TBC1D19: variants seen among roughly 807,000 people sequenced by gnomAD.
TBC1D19 encodes the protein TBC1 domain family, member 19.
A neutral mutation model predicts 89.0 loss-of-function variants in TBC1D19; 60 were observed. The ratio of observed to expected loss-of-function variants is 0.67; its 90% CI spans 0.55 to 0.84. The LOEUF (loss-of-function observed/expected upper bound fraction) is 0.84. Ranked by LOEUF, TBC1D19 falls within the 40% of genes least tolerant of loss-of-function variation. TBC1D19 has a pLI of 0.00. For missense variants in TBC1D19, 500 were observed against 610.8 expected (o/e 0.82, Z 1.91); for synonymous variants, 189 against 199.7 (o/e 0.95, Z 0.45).
chr4:26,613,041 C>T (rs778108071), intron 1 of TBC1D19, 128 bp from the exon 2 acceptor site: 1 of 645,722 alleles, frequency 1.5e-6, no homozygotes, highest in Non-Finnish European at 2.6e-6. Context: ...GAGGATTTTT[C>T]AAGTAGTATA....
intron 7 of TBC1D19, among the ~76,000 whole-genome samples, chr4:26,657,937 TA>T (rs1744969362): frequency 6.6e-6 from 1 of 152,038 alleles, no homozygotes; most frequent in African/African-American, 2.4e-5. Flanking sequence ...GGGTTATTTG[TA>T]TTTTTCTTGT....
chr4:26,739,955 C>T lies in TBC1D19; in HGVS notation c.1209C>T (p.Ser403=). 1 of 1,581,720 alleles carries T rather than the reference C, an allele frequency of 6.3e-7. No individual in the cohort carries two copies. ...TGCGTTTTTTCTTCAGACTCCATTCCATCTCTTCTCATCCTTCTGTAAGTT... is the reference window on the plus strand; with the variant it reads ...TGCGTTTTTTCTTCAGACTCCATTCTATCTCTTCTCATCCTTCTGTAAGTT... ...MYVRFFFRLH[S]ISSHPSGIVS... is the part of the protein sequence containing the mutation. The change falls in exon 17 of 21, where the codon TCC becomes TCT. Residue 403 remains serine (S), a synonymous_variant. Transcript: ENST00000264866.
intron 15 of TBC1D19, among the ~76,000 whole-genome samples, chr4:26,731,697 A>G (rs964291465): frequency 2.0e-5 from 3 of 152,110 alleles, no homozygotes; most frequent in African/African-American, 7.2e-5. Flanking sequence ...CAAAACAAAC[A>G]CTCACAAAAA....
At chr4:26,655,318 C>A (rs990504455) in intron 7 of TBC1D19, among the ~76,000 whole-genome samples, 2 of 152,246 alleles carry the variant, frequency 1.3e-5, no homozygotes, top group African/African-American at 4.8e-5. Context: ...ACTCGGAGGT[C>A]AGGGACCCAC....
chr4:26,695,373 CTG>C (rs1714679592), intron 13 of TBC1D19, among the ~76,000 whole-genome samples: 1 of 152,204 alleles, frequency 6.6e-6, no homozygotes, highest in East Asian at 1.9e-4. Context: ...AAGACCAAAT[CTG>C]TGTCTGATTG....
intron 7 of TBC1D19, among the ~76,000 whole-genome samples, chr4:26,644,589 A>T (rs1200671847): frequency 6.6e-6 from 1 of 152,188 alleles, no homozygotes; most frequent in Non-Finnish European, 1.5e-5. Flanking sequence ...CAGGCAAGAG[A>T]AAGAAATAAA....
downstream of TBC1D19, among the ~76,000 whole-genome samples, chr4:26,757,237 A>T (rs1478441064): frequency 6.6e-6 from 1 of 151,756 alleles, no homozygotes; most frequent in African/African-American, 2.4e-5. Flanking sequence ...CAGGTCTCAA[A>T]CTCCTGACCT....
intron 4 of TBC1D19, among the ~76,000 whole-genome samples, chr4:26,636,834 A>C (rs1362331503): frequency 1.3e-5 from 2 of 152,114 alleles, no homozygotes; most frequent in Non-Finnish European, 2.9e-5. Flanking sequence ...CTAGATCATT[A>C]ATGAGATTCC....
chr4:26,613,559 C>A (rs972638650), intron 2 of TBC1D19, among the ~76,000 whole-genome samples: 2 of 152,090 alleles, frequency 1.3e-5, no homozygotes, highest in Admixed American at 6.6e-5. Context: ...ATTACTCATT[C>A]AAAATTGTGA....
At chr4:26,670,799 T>C (rs1406305571) in intron 9 of TBC1D19, among the ~76,000 whole-genome samples, 1 of 151,756 alleles carries the variant, frequency 6.6e-6, no homozygotes, top group Non-Finnish European at 1.5e-5. Flanking sequence ...ATTTTTGTAC[T>C]TTATAGAAAT....
intron 7 of TBC1D19, among the ~76,000 whole-genome samples, chr4:26,648,351 G>T (rs935913741): frequency 6.6e-6 from 1 of 152,184 alleles, no homozygotes; most frequent in Non-Finnish European, 1.5e-5. Context: ...TAAATAAACA[G>T]TTGTGGAATG....
the TBC1D19 span, among the ~76,000 whole-genome samples, chr4:26,822,815 A>G: frequency 2.0e-5 from 3 of 152,232 alleles, no homozygotes; most frequent in Non-Finnish European, 4.4e-5. Flanking sequence ...GAATGACTAG[A>G]TAGAGTTTAA....
chr4:26,671,652 GGCTTTTATTAGATAT>G (rs1019937913), intron 9 of TBC1D19, among the ~76,000 whole-genome samples: 3 of 151,686 alleles, frequency 2.0e-5, no homozygotes, highest in South Asian at 2.1e-4. Flanking sequence ...ATAGCAGTAA[GGCTTTTATTAGATAT>G]GCTTTTATTA....
At chr4:26,633,089 A>G (rs1742898482) in intron 4 of TBC1D19, among the ~76,000 whole-genome samples, 1 of 152,102 alleles carries the variant, frequency 6.6e-6, no homozygotes, top group South Asian at 2.1e-4. Context: ...TCTGTACAAC[A>G]TCTGGAAACA....
intron 7 of TBC1D19, among the ~76,000 whole-genome samples, chr4:26,646,054 C>T (rs1404259277): frequency 7.8e-5 from 11 of 140,402 alleles, no homozygotes; most frequent in African/African-American, 2.7e-4. Context: ...CCCCGGGAGG[C>T]GGAGCTTGCA....
chr4:26,586,906 T>C (rs1739449136), intron 1 of TBC1D19, among the ~76,000 whole-genome samples: 2 of 152,308 alleles, frequency 1.3e-5, no homozygotes, highest in South Asian at 4.1e-4. Flanking sequence ...AAGACAGTTT[T>C]ACTTCTTCCT....
chr4:26,598,605 A>G (rs1740390240), intron 1 of TBC1D19, among the ~76,000 whole-genome samples: 1 of 152,158 alleles, frequency 6.6e-6, no homozygotes, highest in Non-Finnish European at 1.5e-5. Flanking sequence ...CATGTTAGCC[A>G]GGATGGTCTC....
chr4:26,737,460 T>C (rs1191611189), intron 16 of TBC1D19, among the ~76,000 whole-genome samples: 2 of 152,144 alleles, frequency 1.3e-5, no homozygotes, highest in Non-Finnish European at 2.9e-5. Context: ...CTTGAATGAT[T>C]TGGAGGATAC....
At chr4:26,671,478 C>T (rs1343785871) in intron 9 of TBC1D19, among the ~76,000 whole-genome samples, 1 of 151,764 alleles carries the variant, frequency 6.6e-6, no homozygotes, top group East Asian at 1.9e-4. Context: ...CACTGTGTTA[C>T]TTACATTTTC....
Sources: allele counts gnomAD v4.1 joint callset (sites outside exome capture counted in the v4.1 genomes callset), GRCh38; gene constraint gnomAD v4.1.1; transcripts MANE v1.5; gene names NCBI Gene and HGNC (gene_info 2026-07-23, HGNC 2026-07-21).